Variants in CNOT10 observed in about 807,000 individuals in gnomAD.
The protein encoded by CNOT10 is CCR4-NOT transcription complex subunit 10, also known as CCR4-NOT transcription complex, subunit 10.
In CNOT10, 30 loss-of-function variants were observed where a neutral mutation model predicts 94.6. The ratio of observed to expected loss-of-function variants is 0.32; its 90% CI spans 0.24 to 0.43. The LOEUF (loss-of-function observed/expected upper bound fraction) is 0.43. CNOT10 is among the 20% of genes least tolerant of loss of function. CNOT10 has a pLI of 1.00. For missense variants in CNOT10, 759 were observed against 877.2 expected, an observed-to-expected ratio of 0.87 and a Z score of 1.70; for synonymous variants, 289 against 301.6, an observed-to-expected ratio of 0.96 and a Z score of 0.43.
intron 4 of CNOT10, among the ~76,000 whole-genome samples, chr3:32,712,414 G>A (rs1476730788): frequency 6.6e-6 from 1 of 151,984 alleles, no homozygotes; most frequent in African/African-American, 2.4e-5. Flanking sequence ...AAAATGCTTG[G>A]GACAAGAAGT....
chr3:32,742,036 A>G (rs1047417231), intron 13 of CNOT10, among the ~76,000 whole-genome samples: 2 of 151,150 alleles, frequency 1.3e-5, no homozygotes, highest in African/African-American at 2.4e-5. Flanking sequence ...GCTCACTGCA[A>G]CCTCCGCCTC....
At chr3:32,722,684 TAATA>T (rs1359433350) in intron 8 of CNOT10, among the ~76,000 whole-genome samples, 2 of 151,866 alleles carry the variant, frequency 1.3e-5, no homozygotes, top group Non-Finnish European at 2.9e-5. Context: ...AAAAATAAAT[TAATA>T]AATAAAGATG....
At chr3:32,769,702 C>G in intron 17 of CNOT10, 185 bp from the exon 18 acceptor site, 2 of 558,756 alleles carry the variant, frequency 3.6e-6, no homozygotes, top group Middle Eastern at 3.0e-4. Flanking sequence ...ACATGTCTAG[C>G]TTAATTGTTA....
chr3:32,721,462 T>C (rs1698407191), intron 8 of CNOT10, among the ~76,000 whole-genome samples: 1 of 143,568 alleles, frequency 7.0e-6, no homozygotes, highest in Non-Finnish European at 1.5e-5. Flanking sequence ...TTTAGTGAAT[T>C]ACCATCTATA....
At chr3:32,703,078 ATTTTT>A (rs67920905) in intron 1 of CNOT10, among the ~76,000 whole-genome samples, 19 of 124,254 alleles carry the variant, frequency 1.5e-4, no homozygotes, top group African/African-American at 4.6e-4. Context: ...CGCCAAGCTA[ATTTTT>A]TTTTTTTTTT....
intron 14 of CNOT10, among the ~76,000 whole-genome samples, chr3:32,760,901 G>T (rs1387862041): frequency 6.6e-6 from 1 of 151,772 alleles, no homozygotes; most frequent in Non-Finnish European, 1.5e-5. Flanking sequence ...GGCCTACCTG[G>T]GCAAATCATT....
At chr3:32,745,167 C>T (rs537856421) in intron 13 of CNOT10, among the ~76,000 whole-genome samples, 94 of 152,320 alleles carry the variant, frequency 6.2e-4, no homozygotes, top group African/African-American at 2.2e-3. Context: ...GCATGAGCCA[C>T]TGCATCCAGC....
At chr3:32,708,875 C>A in intron 4 of CNOT10, 55 bp downstream of exon 4, 1 of 1,442,830 alleles carries the variant, frequency 6.9e-7, no homozygotes, top group South Asian at 1.3e-5. Flanking sequence ...TTGCAGAATT[C>A]TCTGGTACTT....
At chr3:32,693,460 C>T (rs1696929316) in intron 1 of CNOT10, 1 of 152,008 alleles carries the variant, frequency 6.6e-6, no homozygotes, top group Non-Finnish European at 1.5e-5. Context: ...TCAAGCAAGC[C>T]TCCTGCCTTG....
chr3:32,709,064 A>G (rs1697753471), intron 4 of CNOT10, among the ~76,000 whole-genome samples: 1 of 152,176 alleles, frequency 6.6e-6, no homozygotes, highest in African/African-American at 2.4e-5. Context: ...ACACTTAGTG[A>G]TGTTTGTGGG....
intron 18 of CNOT10, 109 bp from the exon 19 acceptor site, chr3:32,773,348 A>G: frequency 8.8e-7 from 1 of 1,137,888 alleles, no homozygotes; most frequent in African/African-American, 1.6e-5. Flanking sequence ...GCTGCAGATG[A>G]CAGCTCTTCT....
At chr3:32,763,511 G>A (rs755629963) in intron 15 of CNOT10, among the ~76,000 whole-genome samples, 39 of 151,974 alleles carry the variant, frequency 2.6e-4, no homozygotes, top group African/African-American at 8.2e-4. Context: ...TTAGTAGGGC[G>A]TGGTGGTGCA....
chr3:32,747,755 C>G (rs1032972368), intron 13 of CNOT10, among the ~76,000 whole-genome samples: 1 of 152,142 alleles, frequency 6.6e-6, no homozygotes, highest in Admixed American at 6.5e-5. Context: ...GGAGACCATC[C>G]TGGCCAACAT....
intron 1 of CNOT10, among the ~76,000 whole-genome samples, chr3:32,700,422 A>T (rs771415951): frequency 6.6e-5 from 10 of 152,226 alleles, no homozygotes; most frequent in Non-Finnish European, 1.3e-4. Flanking sequence ...TTAATTTCAG[A>T]AGTGACATTA....
intron 1 of CNOT10, chr3:32,695,548 T>G (rs1697007974): frequency 9.9e-6 from 15 of 1,521,684 alleles, no homozygotes; most frequent in Non-Finnish European, 1.2e-5. Context: ...TTCAGTTAAC[T>G]GATGATTTTC....
chr3:32,773,165 A>T (rs983239752), intron 18 of CNOT10, among the ~76,000 whole-genome samples: 1 of 152,104 alleles, frequency 6.6e-6, no homozygotes, highest in Non-Finnish European at 1.5e-5. Context: ...ACCCTCCCAG[A>T]TGATTGTTTC....
rs577197912 is a variant in CNOT10 at position 32,724,476 on chromosome 3, G to A, written c.863-974G>A. On this transcript the variant is annotated intron_variant, in intron 8 of 18. Transcript: ENST00000328834. Reference sequence around the variant, plus strand: ...CACTCAGGCTGGAGTGCAGTGGTGCGATCTCGGCTTACTGCAAGCTCTGCC... The same window carrying A: ...CACTCAGGCTGGAGTGCAGTGGTGCAATCTCGGCTTACTGCAAGCTCTGCC... Among the ~76,000 whole-genome samples, 5 of 147,514 alleles carry A rather than the reference G, an allele frequency of 3.4e-5. No individual in the cohort carries two copies. The South Asian group carries it at 6.4e-4, about 19-fold the overall frequency.
intron 1 of CNOT10, among the ~76,000 whole-genome samples, chr3:32,689,467 A>G (rs1179398530): frequency 1.3e-5 from 2 of 152,216 alleles, no homozygotes; most frequent in East Asian, 1.9e-4. Flanking sequence ...AGAAACCCTA[A>G]GGATAAAGAG....
rs543322881 is a variant in CNOT10, at chr3:32,737,646, A to T, written c.1595+156A>T. 5.9e-5 allele frequency among the ~76,000 whole-genome samples: 9 copies of T among 152,108 alleles called. No homozygotes were observed. The East Asian group carries it at 1.6e-3, about 26-fold the overall frequency. On this transcript the variant is annotated intron_variant, in intron 13 of 18. Coordinates refer to ENST00000328834, the MANE Select transcript of CNOT10 (RefSeq NM_015442.3). ...GAGACCAGCCTGGCCAAGATAGTGAAACCCTGTCTGTACTAAAAATACAAA... is the reference window on the plus strand; with the variant it reads ...GAGACCAGCCTGGCCAAGATAGTGATACCCTGTCTGTACTAAAAATACAAA...
Sources: allele counts gnomAD v4.1 joint callset (sites outside exome capture counted in the v4.1 genomes callset), GRCh38; gene constraint gnomAD v4.1.1; transcripts MANE v1.5; gene names NCBI Gene and HGNC (gene_info 2026-07-23, HGNC 2026-07-21).